The following BMERB1 variants were observed in gnomAD, a reference collection of about 807,000 sequenced individuals.
The protein encoded by BMERB1 is bMERB domain-containing protein 1.
A neutral mutation model predicts 23.6 loss-of-function variants in BMERB1; 12 were observed. The observed-to-expected ratio is 0.51, with a 90% CI of 0.33 to 0.82. BMERB1 has a LOEUF of 0.82. Among genes scored for constraint, BMERB1 ranks in the 40% least tolerant of loss-of-function variants. BMERB1 has a pLI of 0.03. For synonymous variants in BMERB1, 122 were observed against 96.6 expected, an observed-to-expected ratio of 1.26 and a Z score of -1.54; for missense variants, 247 against 255.4, an observed-to-expected ratio of 0.97 and a Z score of 0.22.
chr16:15,517,762 GTGTGGATGTGTGTGGA>G (rs1340255485), intron 2 of BMERB1, among the ~76,000 whole-genome samples: 1 of 151,958 alleles, frequency 6.6e-6, no homozygotes, highest in Non-Finnish European at 1.5e-5. Context: ...GTGTGGATGT[GTGTGGATGTGTGTGGA>G]TGTGGATGTG....
chr16:15,495,032 C>T (rs1259987304), intron 1 of BMERB1, among the ~76,000 whole-genome samples: 7 of 150,218 alleles, frequency 4.7e-5, no homozygotes, highest in African/African-American at 1.7e-4. Context: ...TACAGGCATG[C>T]GCCACCACCC....
chr16:15,571,980 G>A (rs916021353), intron 3 of BMERB1, among the ~76,000 whole-genome samples: 1 of 152,092 alleles, frequency 6.6e-6, no homozygotes, highest in African/African-American at 2.4e-5. Context: ...AGCACAGGCC[G>A]GGGATCCTAT....
chr16:15,578,114 T>C (rs2030916532), intron 3 of BMERB1, among the ~76,000 whole-genome samples: 1 of 152,248 alleles, frequency 6.6e-6, no homozygotes, highest in Non-Finnish European at 1.5e-5. Context: ...CTACCTACTC[T>C]AACAGTAACA....
At chr16:15,562,213 G>T (rs116392560) in intron 2 of BMERB1, among the ~76,000 whole-genome samples, 1 of 147,820 alleles carries the variant, frequency 6.8e-6, no homozygotes, top group Admixed American at 6.9e-5. Flanking sequence ...TTAGGTAGGA[G>T]AATCACTTGA....
chr16:15,472,781 T>A (rs1269453459), intron 1 of BMERB1, among the ~76,000 whole-genome samples: 1 of 152,144 alleles, frequency 6.6e-6, no homozygotes, highest in Admixed American at 6.5e-5. Context: ...ATTTTATTGT[T>A]TGTTTCTCCT....
chr16:15,509,889 A>G (rs537819971), intron 1 of BMERB1, among the ~76,000 whole-genome samples: 1 of 152,302 alleles, frequency 6.6e-6, no homozygotes, highest in Admixed American at 6.5e-5. Context: ...CAGGATCCAG[A>G]TGAGCTCACA....
intron 3 of BMERB1, among the ~76,000 whole-genome samples, chr16:15,569,247 T>C (rs1364015693): frequency 6.6e-6 from 1 of 151,946 alleles, no homozygotes; most frequent in Non-Finnish European, 1.5e-5. Context: ...GAGTAATTTA[T>C]AAAGAAAATA....
chr16:15,472,521 T>C (rs899694043), intron 1 of BMERB1, among the ~76,000 whole-genome samples: 15 of 152,222 alleles, frequency 9.9e-5, no homozygotes, highest in African/African-American at 3.6e-4. Context: ...TAATTTTCTT[T>C]GCTTTAAAGT....
intron 1 of BMERB1, among the ~76,000 whole-genome samples, chr16:15,482,407 A>C (rs2051329526): frequency 6.6e-6 from 1 of 152,174 alleles, no homozygotes. Context: ...TTGGGAAGTG[A>C]GAAAACATCC....
At chr16:15,437,985 T>G (rs2050903386) in intron 1 of BMERB1, among the ~76,000 whole-genome samples, 2 of 151,560 alleles carry the variant, frequency 1.3e-5, no homozygotes, top group African/African-American at 4.8e-5. Flanking sequence ...TATAAAGTCC[T>G]TCTTACCCTC....
intron 1 of BMERB1, among the ~76,000 whole-genome samples, chr16:15,468,485 A>G (rs1456639953): frequency 6.6e-6 from 1 of 152,024 alleles, no homozygotes; most frequent in Non-Finnish European, 1.5e-5. Flanking sequence ...AGTCTGTTCT[A>G]TTAATAATTC....
At chr16:15,483,372 CTATTTT>C (rs1193324483) in intron 1 of BMERB1, among the ~76,000 whole-genome samples, 1 of 152,062 alleles carries the variant, frequency 6.6e-6, no homozygotes. Context: ...TTGTAAAAAC[CTATTTT>C]TATTTATTTA....
chr16:15,574,637 G>A (rs2150974641), intron 3 of BMERB1, among the ~76,000 whole-genome samples: 1 of 151,980 alleles, frequency 6.6e-6, no homozygotes, highest in African/African-American at 2.4e-5. Flanking sequence ...GAAGTTACAG[G>A]CAAAATTGTA....
At chr16:15,470,982 G>A (rs938840109) in intron 1 of BMERB1, among the ~76,000 whole-genome samples, 6 of 149,896 alleles carry the variant, frequency 4.0e-5, no homozygotes, top group South Asian at 2.2e-4. Flanking sequence ...GACTACAGGC[G>A]CCTGCTGCCA....
At chr16:15,583,046 GC>G in intron 4 of BMERB1, 109 bp from the exon 5 acceptor site, 1 of 809,842 alleles carries the variant, frequency 1.2e-6, no homozygotes. Flanking sequence ...CAACATACAT[GC>G]CCCATCCACA....
Position 15,587,654 on chromosome 16 carries a change from C to A in BMERB1, c.*825C>A. ...TGGGCACTCCACCATTCCGGGGCCA[C>A]CACAGAGATGCCAGCAGGATGCCAC... is the stretch of plus-strand genomic sequence containing the variant. On this transcript the variant is annotated 3_prime_UTR_variant, in exon 6 of 6. Coordinates refer to ENST00000300006, the MANE Select transcript of BMERB1 (RefSeq NM_033201.3). The A allele has an allele frequency of 3.0e-6, 1 of 332,660 alleles. No homozygotes were observed. Among genetic ancestry groups the A allele is most frequent in the Admixed American group, 3.3e-5 (1 of 30,634 alleles). The allele number at this position is 332,660 out of a possible 1,614,324, so 20.6% of individuals were successfully genotyped here.
intron 2 of BMERB1, among the ~76,000 whole-genome samples, chr16:15,542,461 T>C (rs2052095925): frequency 6.6e-6 from 1 of 152,034 alleles, no homozygotes; most frequent in African/African-American, 2.4e-5. Context: ...GTGCCCTCAT[T>C]AGCATACACT....
At chr16:15,490,336 G>T (rs763277371) in intron 1 of BMERB1, among the ~76,000 whole-genome samples, 2 of 152,178 alleles carry the variant, frequency 1.3e-5, no homozygotes, top group Non-Finnish European at 1.5e-5. Context: ...AAAATAGAGT[G>T]CAGTGGCGTG....
At chr16:15,504,778 TA>T (rs5815836) in intron 1 of BMERB1, among the ~76,000 whole-genome samples, 63,785 of 148,656 alleles carry the variant, frequency 0.43, 15,043 homozygotes, top group African/African-American at 0.61. Flanking sequence ...ATAAAAGTAT[TA>T]AAAAAAAAAA....
Sources: allele counts gnomAD v4.1 joint callset (sites outside exome capture counted in the v4.1 genomes callset), GRCh38; gene constraint gnomAD v4.1.1; transcripts MANE v1.5; gene names NCBI Gene and HGNC (gene_info 2026-07-23, HGNC 2026-07-21).